The following IRS2 variants were observed in gnomAD, a reference collection of about 807,000 sequenced individuals.
IRS2 encodes insulin receptor substrate 2.
In IRS2, 28 loss-of-function variants were observed where a neutral mutation model predicts 70.9. That is an observed-to-expected ratio of 0.39 (90% CI 0.29 to 0.54). The LOEUF (loss-of-function observed/expected upper bound fraction) is 0.54, where lower values mean the gene tolerates loss of function less well. IRS2 is among the 20% of genes least tolerant of loss of function. The pLI is 0.59. For missense variants in IRS2, 2,081 were observed against 2,024.1 expected (o/e 1.03, Z -0.54); for synonymous variants, 1,217 against 981.9 (o/e 1.24, Z -4.48).
In IRS2 at chr13:109,785,669, C is replaced by G; in HGVS notation, c.385G>C (p.Glu129Gln). ...DEYFAVAAEN[E>Q]QEQEGWYRAL... ...CGGTACCAGCCCTCCTGCTCCTGCT[C>G]GTTCTCGGCGGCCACGGCGAAGTAC... Residue 129 changes from glutamate (E) to glutamine (Q), a missense_variant, in exon 1 of 2, where the codon GAG becomes CAG. Glu to Gln is a conservative substitution (Grantham distance 29). Transcript: ENST00000375856. The surrounding 1 kb of genome is among the most constrained non-coding windows in gnomAD (Gnocchi z 9.3). 1.9e-6 allele frequency: 3 copies of G among 1,596,436 alleles called. No homozygotes were observed. Among genetic ancestry groups the G allele is most frequent in the Non-Finnish European group, 2.6e-6 (3 of 1,175,384 alleles).
chr13:109,783,784 T>G lies in IRS2; in HGVS notation c.2270A>C (p.Asp757Ala). ...CGSKLSMEHA[D>A]GKLLPNGDYL... ...GTCCCCGTTGGGCAGCAGCTTGCCATCTGCATGCTCCATGGACAGCTTGGA... is the reference window on the plus strand; with the variant it reads ...GTCCCCGTTGGGCAGCAGCTTGCCAGCTGCATGCTCCATGGACAGCTTGGA... The change falls in exon 1 of 2, where the codon GAT becomes GCT. Residue 757 changes from aspartate to alanine, a missense_variant. Physicochemically the swap from Asp to Ala is moderately radical, Grantham distance 126. Coordinates refer to ENST00000375856, the MANE Select transcript of IRS2 (RefSeq NM_003749.3). 6.3e-7 allele frequency: 1 copy of G among 1,597,864 alleles called. No homozygotes were observed. The highest frequency in any genetic ancestry group is 8.5e-7 in the Non-Finnish European group (1 of 1,172,698).
intron 1 of IRS2, among the ~76,000 whole-genome samples, chr13:109,758,556 TTAG>T (rs1246651381): frequency 1.3e-5 from 2 of 152,190 alleles, no homozygotes; most frequent in Non-Finnish European, 2.9e-5. Flanking sequence ...ATTGTTTTTT[TTAG>T]GATGCTGTAT....
chr13:109,783,632 G>A lies in IRS2; in HGVS notation c.2422C>T (p.Arg808Cys), dbSNP rs1197403582. ...CAGGTGTAGGGGGCCTTGTAGGAGCGGGGCAAGGAGCTGTAGCAGCAGCCG... is the reference window on the plus strand; with the variant it reads ...CAGGTGTAGGGGGCCTTGTAGGAGCAGGGCAAGGAGCTGTAGCAGCAGCCG... ...VPGCCYSSLP[R>C]SYKAPYTCGG... Residue 808 changes from arginine (R) to cysteine (C), a missense_variant, in exon 1 of 2, where the codon CGC (arginine) becomes TGC (cysteine). This residue lies in a region of IRS2 where 1,615 missense variants were observed against 1,459.5 expected (regional missense o/e 1.11). Coordinates refer to ENST00000375856, the MANE Select transcript of IRS2 (RefSeq NM_003749.3). The A allele has an allele frequency of 1.9e-6, 3 of 1,549,914 alleles. No homozygotes were observed. Among genetic ancestry groups the A allele is most frequent in the African/African-American group, 1.4e-5 (1 of 73,262 alleles).
In IRS2 at chr13:109,783,403, C is replaced by T. The variant is rs1219457876; in HGVS notation, c.2651G>A (p.Arg884His). ...GCGCGTGGGCCTCACCGCCCGGCCG[C>T]GCTGGCCCAAGAAGCCCTCCGGGCG... ...GGRPEGFLGQRGRAVRPTRLS... is the reference protein window; with the variant it reads ...GGRPEGFLGQHGRAVRPTRLS... The change falls in exon 1 of 2, where the codon CGC (arginine) becomes CAC (histidine). Residue 884 changes from arginine to histidine, a missense_variant. Around this residue, in one of 4 missense-constraint regions of IRS2, gnomAD observed 1,615 missense variants for 1,459.5 expected, o/e 1.11. Coordinates refer to ENST00000375856, the MANE Select transcript of IRS2 (RefSeq NM_003749.3). The T allele has an allele frequency of 2.0e-6, 3 of 1,483,368 alleles. No individual in the cohort carries two copies. The highest frequency in any genetic ancestry group is 1.3e-5 in the South Asian group (1 of 76,568). 91.9% of individuals were successfully genotyped at this position (1,483,368 alleles called of 1,614,324 possible).
chr13:109,770,860 A>G lies in IRS2; in HGVS notation c.4012+11182T>C, dbSNP rs140458037. Reference sequence around the variant, plus strand: ...ATCAACTGTGTTCTGCGTTTTGGAAATGGCTGAAGACCCAGTGATTCTAAA... The same window carrying G: ...ATCAACTGTGTTCTGCGTTTTGGAAGTGGCTGAAGACCCAGTGATTCTAAA... On this transcript the variant is annotated intron_variant, in intron 1 of 1. Coordinates refer to ENST00000375856, the MANE Select transcript of IRS2 (RefSeq NM_003749.3). Among the ~76,000 whole-genome samples, 12 of 152,372 alleles carry G rather than the reference A, an allele frequency of 7.9e-5. No homozygotes were observed. The East Asian group carries it at 2.1e-3, about 27-fold the overall frequency.
intron 1 of IRS2, among the ~76,000 whole-genome samples, chr13:109,757,052 C>T (rs1177573723): frequency 6.6e-6 from 1 of 152,148 alleles, no homozygotes; most frequent in African/African-American, 2.4e-5. Context: ...ACTGAGGACA[C>T]GTGGCCAGAT....
chr13:109,784,392 G>A lies in IRS2; in HGVS notation c.1662C>T (p.Arg554=), dbSNP rs757966194. Residue 554 remains arginine, a synonymous_variant, in exon 1 of 2, where the codon CGC becomes CGT. Coordinates refer to ENST00000375856, the MANE Select transcript of IRS2 (RefSeq NM_003749.3). This position sits in a 1 kb window ranked among gnomAD's most constrained non-coding sequence, Gnocchi z 5.2. The part of the protein sequence containing the change: ...TMDRPLSHCG[R]SYRRVSGDAA... ...CGTCCCCCGAGACCCGGCGGTAGGAGCGGCCACAGTGGCTCAGGGGCCTGT... is the reference window on the plus strand; with the variant it reads ...CGTCCCCCGAGACCCGGCGGTAGGAACGGCCACAGTGGCTCAGGGGCCTGT... 12 of 1,610,632 alleles carry A rather than the reference G, an allele frequency of 7.5e-6. No individual in the cohort carries two copies. The South Asian group carries it at 9.9e-5, about 13-fold the overall frequency.
At position 109,785,388 on chromosome 13, in the gene IRS2, A is replaced by C. The variant is rs2138938186; in HGVS notation, c.666T>G (p.Ser222=). 1 of 1,612,510 alleles carries C rather than the reference A, an allele frequency of 6.2e-7. No homozygotes were observed. The highest frequency in any genetic ancestry group is 8.5e-7 in the Non-Finnish European group (1 of 1,179,910). Residue 222 remains serine (S), a synonymous_variant, in exon 1 of 2, where the codon TCT becomes TCG. Transcript: ENST00000375856. The surrounding 1 kb of genome is among the most constrained non-coding windows in gnomAD (Gnocchi z 9.3). ...GCTTCACGAAGCCGATGGTGCGCGCAGACAGGCACAGACGGTACACCCCCG... is the reference window on the plus strand; with the variant it reads ...GCTTCACGAAGCCGATGGTGCGCGCCGACAGGCACAGACGGTACACCCCCG... ...NLTGVYRLCL[S]ARTIGFVKLN...
rs146198092 is a variant in IRS2, at chr13:109,776,049, G to A, written c.4012+5993C>T. 6.9e-4 allele frequency among the ~76,000 whole-genome samples: 104 copies of A among 151,710 alleles called. No homozygotes were observed. In the East Asian group the frequency reaches 7.9e-3, roughly 12 times the overall value. On this transcript the variant is annotated intron_variant, in intron 1 of 1. Coordinates refer to ENST00000375856, the MANE Select transcript of IRS2 (RefSeq NM_003749.3). The stretch of plus-strand genomic sequence containing the variant: ...CTCTAGTCCCAGCTACTCAGGAGGC[G>A]GAGGCAGGAGAATCGCTTGAACCCG...
At chr13:109,760,142 T>C (rs1220851665) in intron 1 of IRS2, among the ~76,000 whole-genome samples, 1 of 152,220 alleles carries the variant, frequency 6.6e-6, no homozygotes, top group Non-Finnish European at 1.5e-5. Flanking sequence ...CAAAAATTTA[T>C]TTGTTGTATT....
intron 1 of IRS2, among the ~76,000 whole-genome samples, chr13:109,759,956 G>C (rs1877192544): frequency 6.6e-6 from 1 of 152,122 alleles, no homozygotes; most frequent in African/African-American, 2.4e-5. Flanking sequence ...GTAAACTTTT[G>C]CCTTTATATT....
chr13:109,776,510 C>G (rs1877582495), intron 1 of IRS2, among the ~76,000 whole-genome samples: 1 of 152,222 alleles, frequency 6.6e-6, no homozygotes, highest in Non-Finnish European at 1.5e-5. Flanking sequence ...TTAATCCAAT[C>G]TATTTCAGAA....
At chr13:109,781,914 G>T (rs902736514) in intron 1 of IRS2, 128 bp downstream of exon 1, 2 of 1,006,890 alleles carry the variant, frequency 2.0e-6, no homozygotes, top group East Asian at 5.2e-5. Context: ...AACAAAACAA[G>T]GAGCCAGTGC....
chr13:109,764,390 G>A (rs559106111), intron 1 of IRS2, among the ~76,000 whole-genome samples: 1 of 152,268 alleles, frequency 6.6e-6, no homozygotes, highest in South Asian at 2.1e-4. Flanking sequence ...TGAAGATGGG[G>A]GCACTACCTC....
At chr13:109,757,181 G>A (rs1455010878) in intron 1 of IRS2, among the ~76,000 whole-genome samples, 1 of 152,126 alleles carries the variant, frequency 6.6e-6, no homozygotes, top group East Asian at 1.9e-4. Flanking sequence ...GAACAAATTG[G>A]AAGATTTTGA....
intron 1 of IRS2, among the ~76,000 whole-genome samples, chr13:109,757,365 T>C (rs1376160904): frequency 6.6e-6 from 1 of 152,222 alleles, no homozygotes; most frequent in Non-Finnish European, 1.5e-5. Context: ...CTGGACACTC[T>C]TCTAAAATCC....
Position 109,783,831 on chromosome 13 carries a change from C to A in IRS2, c.2223G>T (p.Gly741=). The A allele has an allele frequency of 6.3e-7, 1 of 1,584,830 alleles. No homozygotes were observed. The highest frequency in any genetic ancestry group is 8.6e-7 in the Non-Finnish European group (1 of 1,165,784). The change falls in exon 1 of 2, where the codon GGG becomes GGT. Residue 741 remains glycine, a synonymous_variant. Transcript: ENST00000375856. ...TGGAACCGCACCACATGCGCATGTA[C>A]CCACTGTCCTCGGGGGAGCTCTCGG... ...SPAESSPEDS[G]YMRMWCGSKL...
rs1877045924 is a variant in IRS2, at chr13:109,753,794, T to C, written c.*2510A>G. On this transcript the variant is annotated 3_prime_UTR_variant, in exon 2 of 2. Transcript: ENST00000375856. ...AAACTCTAAAAGTAGATTGGCTTTA[T>C]GTTAAACAGAGAATTCGTACAGAAA... The C allele has an allele frequency of 4.9e-6, 1 of 205,380 alleles. No homozygotes were observed. Among genetic ancestry groups the C allele is most frequent in the Non-Finnish European group, 1.0e-5 (1 of 100,326 alleles). The allele number at this position is 205,380 out of a possible 1,614,324, so 12.7% of individuals were successfully genotyped here. A position where few individuals can be genotyped will look rare whatever the true frequency, so the allele number is the denominator to read the frequency against.
chr13:109,782,219 C>T lies in IRS2; in HGVS notation c.3835G>A (p.Gly1279Arg), dbSNP rs1877724063. The change falls in exon 1 of 2, where the codon GGA becomes AGA. Residue 1279 changes from glycine (G) to arginine (R), a missense_variant. Transcript: ENST00000375856. ...QPPPPPLPQPGDKSSWGRTRS... is the reference protein window; with the variant it reads ...QPPPPPLPQPRDKSSWGRTRS... Reference sequence around the variant, plus strand: ...GTCCGGCCCCAGGAGCTCTTGTCTCCCGGCTGAGGAAGCGGCGGCGGCGGC... The same window carrying T: ...GTCCGGCCCCAGGAGCTCTTGTCTCTCGGCTGAGGAAGCGGCGGCGGCGGC... The T allele has an allele frequency of 2.5e-6, 4 of 1,607,458 alleles. No individual in the cohort carries two copies. The South Asian group carries it at 4.4e-5, about 18-fold the overall frequency.
Sources: gnomAD v4.1 joint callset for allele counts (sites outside exome capture counted in the v4.1 genomes callset) on GRCh38, gnomAD v4.1.1 for gene constraint, gnomAD v4.1.1 regional missense constraint, Gnocchi (gnomAD v3.1) non-coding constraint, MANE v1.5 for transcripts, NCBI Gene and HGNC (gene_info 2026-07-23, HGNC 2026-07-21) for gene names.